The following HOOK3 variants were observed in gnomAD, a reference collection of about 807,000 sequenced individuals.
HOOK3 encodes the protein protein Hook homolog 3.
In HOOK3, 24 loss-of-function variants were observed where a neutral mutation model predicts 116.3. The ratio of observed to expected loss-of-function variants is 0.21; its 90% CI spans 0.15 to 0.29. HOOK3 has a LOEUF of 0.29. Ranked by LOEUF, HOOK3 falls within the 10% of genes least tolerant of loss-of-function variation. The pLI is 1.00. For synonymous variants in HOOK3, 275 were observed against 283.0 expected, an observed-to-expected ratio of 0.97 and a Z score of 0.28; for missense variants, 632 against 830.2, an observed-to-expected ratio of 0.76 and a Z score of 2.93.
chr8:42,958,184 A>G (rs1335673814), intron 7 of HOOK3, among the ~76,000 whole-genome samples: 2 of 152,158 alleles, frequency 1.3e-5, no homozygotes, highest in Non-Finnish European at 2.9e-5. Context: ...TCTGTGTTCA[A>G]GCTATTTTGT....
chr8:42,973,747 C>A (rs190836483), intron 12 of HOOK3, among the ~76,000 whole-genome samples: 77 of 152,172 alleles, frequency 5.1e-4, no homozygotes, highest in Non-Finnish European at 8.7e-4. Context: ...TATTTCAAAT[C>A]TTTTAAAAAT....
intron 17 of HOOK3, among the ~76,000 whole-genome samples, chr8:43,005,199 C>CTCTCTCTATA (rs151178560): frequency 1.1e-5 from 1 of 95,236 alleles, no homozygotes; most frequent in African/African-American, 3.9e-5. Context: ...CTCTCTCTCT[C>CTCTCTCTATA]TATATATATA....
chr8:43,009,617 G>A (rs369514982), intron 18 of HOOK3, among the ~76,000 whole-genome samples: 2 of 152,112 alleles, frequency 1.3e-5, no homozygotes, highest in Admixed American at 1.3e-4. Context: ...TAATTCTTTT[G>A]TATTAATAAA....
intron 5 of HOOK3, 123 bp from the exon 6 acceptor site, chr8:42,950,265 G>A: frequency 1.5e-6 from 1 of 656,072 alleles, no homozygotes; most frequent in Non-Finnish European, 2.7e-6. Flanking sequence ...TGGTGTATGT[G>A]GGATTCCTAG....
intron 21 of HOOK3, among the ~76,000 whole-genome samples, chr8:43,017,768 C>T (rs922740087): frequency 1.3e-5 from 2 of 152,174 alleles, no homozygotes; most frequent in African/African-American, 4.8e-5. Context: ...GCCTCCTCTC[C>T]CTTCTAAGTT....
At chr8:42,992,166 C>T (rs111239840) in intron 15 of HOOK3, among the ~76,000 whole-genome samples, 4,802 of 144,474 alleles carry the variant, frequency 0.033, 266 homozygotes, top group African/African-American at 0.11. Context: ...TTTGGGAGGC[C>T]GAGGCGGGTG....
intron 4 of HOOK3, among the ~76,000 whole-genome samples, chr8:42,931,000 C>T (rs1457388672): frequency 6.6e-6 from 1 of 152,200 alleles, no homozygotes; most frequent in Non-Finnish European, 1.5e-5. Context: ...ACATCAGTCT[C>T]CTCCTTAAAG....
chr8:43,001,987 G>T, intron 16 of HOOK3, 120 bp from the exon 17 acceptor site: 1 of 646,912 alleles, frequency 1.5e-6, no homozygotes, highest in Non-Finnish European at 2.7e-6. Context: ...TCAGCTCTTT[G>T]ACCAAACAAA....
intron 4 of HOOK3, among the ~76,000 whole-genome samples, chr8:42,936,171 G>A (rs1057403908): frequency 8.5e-5 from 13 of 152,128 alleles, no homozygotes; most frequent in African/African-American, 2.9e-4. Flanking sequence ...AATGGGAGTT[G>A]ACTTATGATT....
At chr8:42,954,733 C>T (rs1281186139) in intron 6 of HOOK3, among the ~76,000 whole-genome samples, 1 of 152,196 alleles carries the variant, frequency 6.6e-6, no homozygotes, top group Non-Finnish European at 1.5e-5. Flanking sequence ...TAGACATGGT[C>T]TCTTTCCTCA....
intron 14 of HOOK3, among the ~76,000 whole-genome samples, chr8:42,983,132 A>G (rs1808984044): frequency 6.6e-6 from 1 of 152,218 alleles, no homozygotes; most frequent in East Asian, 1.9e-4. Context: ...CAGGAGATCG[A>G]GACCATCCTA....
chr8:42,957,637 A>G (rs1050465338), intron 7 of HOOK3, among the ~76,000 whole-genome samples: 1 of 152,190 alleles, frequency 6.6e-6, no homozygotes, highest in African/African-American at 2.4e-5. Flanking sequence ...TGGTTTGTAT[A>G]TAATGCAAAA....
chr8:43,025,692 G>A lies in HOOK3; in HGVS notation c.*7194G>A, dbSNP rs530793568. 4.7e-6 allele frequency: 1 copy of A among 214,886 alleles called. No homozygotes were observed. The highest frequency in any genetic ancestry group is 5.9e-5 in the Admixed American group (1 of 17,070). The allele number at this position is 214,886 out of a possible 1,614,324, so 13.3% of individuals were successfully genotyped here. A position where few individuals can be genotyped will look rare whatever the true frequency, so the allele number is the denominator to read the frequency against. ...TGAGAAAGTGATTTTAGGTCGCCAA[G>A]GATACTATGATTTGATGAGATGAGA... On this transcript the variant is annotated 3_prime_UTR_variant, in exon 22 of 22. Coordinates refer to ENST00000307602, the MANE Select transcript of HOOK3 (RefSeq NM_032410.4).
At chr8:43,001,000 C>T (rs1331763557) in intron 16 of HOOK3, 1 of 152,114 alleles carries the variant, frequency 6.6e-6, no homozygotes, top group African/African-American at 2.4e-5. Context: ...CACAGTGGCT[C>T]ACACCTGTAA....
rs535408569 is a variant in HOOK3, at chr8:42,901,959, C to T, written c.58-4214C>T. Among the ~76,000 whole-genome samples the T allele has an allele frequency of 1.1e-4, 17 of 152,308 alleles. No individual in the cohort carries two copies. The South Asian group carries it at 2.9e-3, about 26-fold the overall frequency. ...TCCTGACCTCAAGATCCACCCGCCTCGGCTTCCAAATGTTCTGGGATTACA... is the reference window on the plus strand; with the variant it reads ...TCCTGACCTCAAGATCCACCCGCCTTGGCTTCCAAATGTTCTGGGATTACA... On this transcript the variant is annotated intron_variant, in intron 1 of 21. Transcript: ENST00000307602.
chr8:42,994,412 G>A (rs1262684610), intron 15 of HOOK3: 1 of 406,582 alleles, frequency 2.5e-6, no homozygotes, highest in African/African-American at 2.1e-5. Flanking sequence ...TTTATTTGAA[G>A]GTTTTCTCTT....
In HOOK3 at chr8:43,026,387, C is replaced by G. The variant is rs1309188480; in HGVS notation, c.*7889C>G. ...AGATCATTATTTTCCCTCTTCCCCT[C>G]TACCTTTCTGGCATTTTCTGTTATC... On this transcript the variant is annotated 3_prime_UTR_variant, in exon 22 of 22. Transcript: ENST00000307602. 1 of 201,930 alleles carries G rather than the reference C, an allele frequency of 5.0e-6. No individual in the cohort carries two copies. Among genetic ancestry groups the G allele is most frequent in the African/African-American group, 2.3e-5 (1 of 43,620 alleles). 12.5% of individuals were successfully genotyped at this position (201,930 alleles called of 1,614,324 possible).
At chr8:42,956,266 T>TGTGTGTGTGTGTGTGTGTG in intron 6 of HOOK3, among the ~76,000 whole-genome samples, 1 of 123,668 alleles carries the variant, frequency 8.1e-6, no homozygotes, top group Non-Finnish European at 1.8e-5. Context: ...GTGTGTGTGT[T>TGTGTGTGTGTGTGTGTGTG]ATCATTAAAC....
In HOOK3 at chr8:43,018,562, C is replaced by T; in HGVS notation, c.*64C>T. On this transcript the variant is annotated 3_prime_UTR_variant, in exon 22 of 22. Transcript: ENST00000307602. ...AACATACTTCTGTTACACACAAGAACATTTCAGGAAACTCAGCCAGCTTAT... is the reference window on the plus strand; with the variant it reads ...AACATACTTCTGTTACACACAAGAATATTTCAGGAAACTCAGCCAGCTTAT... 2.1e-6 allele frequency: 3 copies of T among 1,421,156 alleles called. No individual in the cohort carries two copies. In the South Asian group the frequency reaches 5.1e-5, roughly 24 times the overall value. 88.0% of individuals were successfully genotyped at this position (1,421,156 alleles called of 1,614,324 possible).
Sources: gnomAD v4.1 joint callset for allele counts (sites outside exome capture counted in the v4.1 genomes callset) on GRCh38, gnomAD v4.1.1 for gene constraint, MANE v1.5 for transcripts, NCBI Gene and HGNC (gene_info 2026-07-23, HGNC 2026-07-21) for gene names.